PARD3B: variants seen among roughly 807,000 people sequenced by gnomAD.
PARD3B encodes the protein partitioning defective 3 homolog B.
PARD3B carries 103 observed loss-of-function variants against 130.2 expected under a neutral mutation model. That is an observed-to-expected ratio of 0.79 (90% CI 0.67 to 0.93). PARD3B has a LOEUF of 0.93. PARD3B is among the 40% of genes least tolerant of loss of function. PARD3B has a pLI of 0.00. For synonymous variants in PARD3B, 583 were observed against 553.2 expected (o/e 1.05, Z -0.76); for missense variants, 1,609 against 1,499.2 (o/e 1.07, Z -1.21).
At chr2:205,606,252 C>T (rs1018480323) in intron 22 of PARD3B, among the ~76,000 whole-genome samples, 10 of 152,082 alleles carry the variant, frequency 6.6e-5, no homozygotes, top group Non-Finnish European at 8.8e-5. Flanking sequence ...CATGGGCTCA[C>T]GAGTGGGATC....
At chr2:205,198,812 G>T (rs143336273) in intron 15 of PARD3B, among the ~76,000 whole-genome samples, 3 of 151,748 alleles carry the variant, frequency 2.0e-5, no homozygotes, top group African/African-American at 7.3e-5. Context: ...TTATAAAATT[G>T]TATATTCTAA....
intron 2 of PARD3B, among the ~76,000 whole-genome samples, chr2:204,738,629 T>C (rs2039860861): frequency 6.6e-6 from 1 of 152,148 alleles, no homozygotes. Context: ...CAGGCTGGGC[T>C]CTTTTATGGA....
intron 2 of PARD3B, among the ~76,000 whole-genome samples, chr2:204,774,652 G>A (rs12105077): frequency 0.38 from 57,132 of 151,986 alleles, 13,942 homozygotes; most frequent in African/African-American, 0.7. Flanking sequence ...CTTCTCATCA[G>A]ATATGATTGG....
At chr2:204,748,857 T>G (rs1337852704) in intron 2 of PARD3B, among the ~76,000 whole-genome samples, 1 of 152,134 alleles carries the variant, frequency 6.6e-6, no homozygotes, top group Non-Finnish European at 1.5e-5. Context: ...TTTAATGTCT[T>G]TTTTCCTATA....
At chr2:204,891,407 G>A (rs2046440805) in intron 2 of PARD3B, among the ~76,000 whole-genome samples, 1 of 152,088 alleles carries the variant, frequency 6.6e-6, no homozygotes. Flanking sequence ...TTTGTATGCT[G>A]CGTGCAAGGT....
chr2:204,616,630 G>C (rs1021937613), intron 1 of PARD3B, among the ~76,000 whole-genome samples: 4 of 152,202 alleles, frequency 2.6e-5, no homozygotes, highest in African/African-American at 9.7e-5. Flanking sequence ...TTACTCAAAG[G>C]AGTTGAAAAC....
At chr2:204,652,732 T>TCTTTCTACAGA (rs2035521473) in intron 1 of PARD3B, among the ~76,000 whole-genome samples, 1 of 151,618 alleles carries the variant, frequency 6.6e-6, no homozygotes, top group Non-Finnish European at 1.5e-5. Flanking sequence ...ACTGGGTAAT[T>TCTTTCTACAGA]TATGAGCAAA....
rs146058106 is a variant in PARD3B, at chr2:205,364,089, A to G, written c.2631-36924A>G. On this transcript the variant is annotated intron_variant, in intron 18 of 22. Transcript: ENST00000406610. ...CTGTCAGTTCTAAAATGAAGTTGAA[A>G]TAAGGAATTCCTAGAGATCCCTAAG... is the stretch of plus-strand genomic sequence containing the variant. 1.9e-3 allele frequency among the ~76,000 whole-genome samples: 293 copies of G among 152,250 alleles called. 1 individual carries two copies. Among genetic ancestry groups the G allele is most frequent in the African/African-American group, 6.8e-3 (282 of 41,532 alleles).
intron 2 of PARD3B, among the ~76,000 whole-genome samples, chr2:204,846,818 G>C (rs1435262959): frequency 6.6e-6 from 1 of 151,806 alleles, no homozygotes; most frequent in African/African-American, 2.4e-5. Flanking sequence ...CTTATACCAG[G>C]AGATTCCGAC....
In PARD3B at chr2:205,031,647, A is replaced by G. The variant is rs1299351982; in HGVS notation, c.395-15934A>G. Among the ~76,000 whole-genome samples, 3 of 152,058 alleles carry G rather than the reference A, an allele frequency of 2.0e-5. No individual in the cohort carries two copies. The East Asian group carries it at 5.8e-4, about 29-fold the overall frequency. ...TAATTCACTATTCTGTGACTTATCAATATTGTCTGTTTTATGCTATTGAGC... is the reference window on the plus strand; with the variant it reads ...TAATTCACTATTCTGTGACTTATCAGTATTGTCTGTTTTATGCTATTGAGC... On this transcript the variant is annotated intron_variant, in intron 3 of 22. Coordinates refer to ENST00000406610, the MANE Select transcript of PARD3B (RefSeq NM_001302769.2).
chr2:204,895,253 A>G (rs2125695840), intron 2 of PARD3B, among the ~76,000 whole-genome samples: 1 of 152,272 alleles, frequency 6.6e-6, no homozygotes, highest in South Asian at 2.1e-4. Context: ...TGGTTTTTGA[A>G]TCATTTTTAA....
intron 3 of PARD3B, among the ~76,000 whole-genome samples, chr2:205,023,639 G>A (rs1696799473): frequency 6.9e-6 from 1 of 145,858 alleles, no homozygotes; most frequent in Non-Finnish European, 1.5e-5. Flanking sequence ...GGCTGTAGCT[G>A]GACTCCCAAT....
At chr2:205,597,447 T>C (rs2054612438) in intron 22 of PARD3B, among the ~76,000 whole-genome samples, 1 of 152,208 alleles carries the variant, frequency 6.6e-6, no homozygotes. Context: ...CCTGGGTTGA[T>C]TCTATGTCTT....
chr2:204,753,441 C>G (rs2040542568), intron 2 of PARD3B, among the ~76,000 whole-genome samples: 1 of 152,050 alleles, frequency 6.6e-6, no homozygotes, highest in Non-Finnish European at 1.5e-5. Flanking sequence ...ATTATAGTTA[C>G]TAGAAAAAAT....
chr2:205,262,646 T>A (rs2040358789), intron 16 of PARD3B, among the ~76,000 whole-genome samples: 1 of 152,096 alleles, frequency 6.6e-6, no homozygotes. Context: ...AGACAACGAT[T>A]TTCTTGTGAA....
At chr2:204,927,900 C>A (rs1382311934) in intron 2 of PARD3B, among the ~76,000 whole-genome samples, 3 of 152,064 alleles carry the variant, frequency 2.0e-5, no homozygotes, top group Non-Finnish European at 2.9e-5. Context: ...TATATGTATA[C>A]TTTGTAATTT....
In PARD3B at chr2:205,301,932, ACTAT is replaced by A. The variant is rs1462101108; in HGVS notation, c.2630+232_2630+235del. The stretch of plus-strand genomic sequence containing the variant: ...AGTTTGTTGTCAAAGAAAGGTCAAC[ACTAT>A]GCCAGGCACGGTGGCTCATGCCTGT... On this transcript the variant is annotated intron_variant, in intron 18 of 22. Coordinates refer to ENST00000406610, the MANE Select transcript of PARD3B (RefSeq NM_001302769.2). This position sits in a 1 kb window ranked among gnomAD's most constrained non-coding sequence, Gnocchi z 5.2. 38 of 729,866 alleles carry A rather than the reference ACTAT, an allele frequency of 5.2e-5. No individual in the cohort carries two copies. Among genetic ancestry groups the A allele is most frequent in the Non-Finnish European group, 9.1e-5 (37 of 406,920 alleles). The allele number at this position is 729,866 out of a possible 1,614,324, so 45.2% of individuals were successfully genotyped here.
rs536347477 is a variant in PARD3B, at chr2:205,321,180, A to G, written c.2630+19479A>G. Among the ~76,000 whole-genome samples, 4 of 152,340 alleles carry G rather than the reference A, an allele frequency of 2.6e-5. No homozygotes were observed. The highest frequency in any genetic ancestry group is 9.6e-5 in the African/African-American group (4 of 41,584). ...AATATATGTTGCCAATAGACCAGCCACATTAAACAATAAAAGTGTTTGAGT... is the reference window on the plus strand; with the variant it reads ...AATATATGTTGCCAATAGACCAGCCGCATTAAACAATAAAAGTGTTTGAGT... On this transcript the variant is annotated intron_variant, in intron 18 of 22. Coordinates refer to ENST00000406610, the MANE Select transcript of PARD3B (RefSeq NM_001302769.2). This position sits in a 1 kb window ranked among gnomAD's most constrained non-coding sequence, Gnocchi z 4.2.
intron 15 of PARD3B, among the ~76,000 whole-genome samples, chr2:205,215,296 A>G (rs2037850142): frequency 6.6e-6 from 1 of 151,742 alleles, no homozygotes; most frequent in East Asian, 1.9e-4. Flanking sequence ...TTTTTAATTC[A>G]GCAACATCCT....
Sources: gnomAD v4.1 joint callset for allele counts (sites outside exome capture counted in the v4.1 genomes callset) on GRCh38, gnomAD v4.1.1 for gene constraint, Gnocchi (gnomAD v3.1) non-coding constraint, MANE v1.5 for transcripts, NCBI Gene and HGNC (gene_info 2026-07-23, HGNC 2026-07-21) for gene names.